Variants in SLC8B1 observed in about 807,000 individuals in gnomAD.
The protein encoded by SLC8B1 is mitochondrial sodium/calcium exchanger protein.
SLC8B1 carries 52 observed loss-of-function variants against 63.4 expected under a neutral mutation model. That is an observed-to-expected ratio of 0.82 (90% CI 0.66 to 1.03). The LOEUF (loss-of-function observed/expected upper bound fraction) is 1.03, where lower values mean the gene tolerates loss of function less well. Ranked by LOEUF, SLC8B1 falls within the 50% of genes least tolerant of loss-of-function variation. SLC8B1 has a pLI of 0.00. For missense variants in SLC8B1, 657 were observed against 741.7 expected (o/e 0.89, Z 1.33); for synonymous variants, 336 against 323.9 (o/e 1.04, Z -0.40).
At chr12:113,318,177 CATGT>C (rs747670162) in intron 8 of SLC8B1, among the ~76,000 whole-genome samples, 17 of 150,632 alleles carry the variant, frequency 1.1e-4, no homozygotes, top group African/African-American at 3.7e-4. Context: ...GATGTGTATG[CATGT>C]ATGTGTTGCA....
rs1956524524 is a variant in SLC8B1 at position 113,298,995 on chromosome 12, C to T, written c.*782G>A. 6.6e-6 allele frequency: 1 copy of T among 152,416 alleles called. No individual in the cohort carries two copies. Among genetic ancestry groups the T allele is most frequent in the Non-Finnish European group, 1.5e-5 (1 of 68,208 alleles). 9.4% of individuals were successfully genotyped at this position (152,416 alleles called of 1,614,324 possible). On this transcript the variant is annotated 3_prime_UTR_variant, in exon 16 of 16. Coordinates refer to ENST00000680972, the MANE Select transcript of SLC8B1 (RefSeq NM_001358345.2). ...CGCTGAGGGAGGCACAGGCACAGTC[C>T]TACCGACTCCTGCCTGGCAGCTGGA...
intron 15 of SLC8B1, among the ~76,000 whole-genome samples, chr12:113,300,913 A>G (rs763779905): frequency 5.3e-5 from 8 of 152,240 alleles, no homozygotes; most frequent in Non-Finnish European, 1.2e-4. Flanking sequence ...AAGCGGGCAG[A>G]TCACTTGAAG....
chr12:113,300,177 TCAA>T (rs1020897840), intron 15 of SLC8B1, among the ~76,000 whole-genome samples: 4 of 151,980 alleles, frequency 2.6e-5, no homozygotes, highest in African/African-American at 9.7e-5. Flanking sequence ...CAATGCACCC[TCAA>T]CAACAATGCA....
At chr12:113,303,439 C>T (rs942363297) in intron 15 of SLC8B1, among the ~76,000 whole-genome samples, 2 of 152,100 alleles carry the variant, frequency 1.3e-5, no homozygotes, top group African/African-American at 4.8e-5. Context: ...CTTTATTCAG[C>T]TTCATAACAC....
chr12:113,331,799 G>C (rs1185316584), intron 2 of SLC8B1, among the ~76,000 whole-genome samples: 1 of 151,962 alleles, frequency 6.6e-6, no homozygotes, highest in African/African-American at 2.4e-5. Flanking sequence ...TATTAGTTCT[G>C]TCCCACTAGA....
intron 2 of SLC8B1, among the ~76,000 whole-genome samples, chr12:113,324,703 A>G (rs1162252996): frequency 6.7e-6 from 1 of 150,106 alleles, no homozygotes; most frequent in East Asian, 2.0e-4. Flanking sequence ...CACTGCGCCC[A>G]GCCCCTTTTT....
rs1383880512 is a variant in SLC8B1, at chr12:113,305,667, C to T, written c.1492+828G>A. 6.6e-6 allele frequency among the ~76,000 whole-genome samples: 1 copy of T among 152,244 alleles called. No homozygotes were observed. Among genetic ancestry groups the T allele is most frequent in the Non-Finnish European group, 1.5e-5 (1 of 68,040 alleles). ...AAATAAAGTTTTATTGGAACAGAGC[C>T]ATGGCCATTCACTTATGCACTGTCT... On this transcript the variant is annotated intron_variant, in intron 14 of 15. Transcript: ENST00000680972. This position sits in a 1 kb window ranked among gnomAD's most constrained non-coding sequence, Gnocchi z 4.3.
chr12:113,304,256 C>A, intron 15 of SLC8B1, 65 bp downstream of exon 15: 3 of 1,499,788 alleles, frequency 2.0e-6, no homozygotes, highest in Non-Finnish European at 2.8e-6. Context: ...CAGGGCCTTC[C>A]TGCCCCTTCC....
chr12:113,304,188 C>A (rs1321279440), intron 15 of SLC8B1, 133 bp downstream of exon 15: 6 of 746,758 alleles, frequency 8.0e-6, no homozygotes, highest in Non-Finnish European at 1.2e-5. Context: ...CCAAGATGTC[C>A]TAGCTCACTC....
chr12:113,334,470 CTTCTATG>C lies in SLC8B1; in HGVS notation c.-117_-111del, dbSNP rs1957101775. ...GTCCACGGAAGACACGGCCCTTCCT[CTTCTATG>C]GTTCTCCCGAACCCCTCCAACTGGA... On this transcript the variant is annotated 5_prime_UTR_variant, in exon 1 of 16. Transcript: ENST00000680972. 6.6e-6 allele frequency: 1 copy of C among 152,166 alleles called. No individual in the cohort carries two copies. The highest frequency in any genetic ancestry group is 2.1e-4 in the South Asian group (1 of 4,822). The allele number at this position is 152,166 out of a possible 1,614,324, so 9.4% of individuals were successfully genotyped here.
Position 113,321,112 on chromosome 12 carries a change from G to C in SLC8B1, c.310-4C>G, listed in dbSNP as rs1429992479. 13 of 1,613,886 alleles carry C rather than the reference G, an allele frequency of 8.1e-6. No individual in the cohort carries two copies. Among genetic ancestry groups the C allele is most frequent in the Non-Finnish European group, 1.1e-5 (13 of 1,179,976 alleles). On this transcript the variant is annotated splice_region_variant and splice_polypyrimidine_tract_variant and intron_variant, in intron 3 of 15. Coordinates refer to ENST00000680972, the MANE Select transcript of SLC8B1 (RefSeq NM_001358345.2). ...ACAGGTAGAGCAGCCAGGAAACCTGGGTGGGGAGCGGGCGAGGAAGGGAGA... is the reference window on the plus strand; with the variant it reads ...ACAGGTAGAGCAGCCAGGAAACCTGCGTGGGGAGCGGGCGAGGAAGGGAGA...
chr12:113,318,174 A>T (rs1956864260), intron 8 of SLC8B1, among the ~76,000 whole-genome samples: 1 of 150,712 alleles, frequency 6.6e-6, no homozygotes, highest in Non-Finnish European at 1.5e-5. Context: ...GCAGATGTGT[A>T]TGCATGTATG....
intron 2 of SLC8B1, among the ~76,000 whole-genome samples, chr12:113,326,200 T>A (rs1380524199): frequency 6.6e-6 from 1 of 152,194 alleles, no homozygotes; most frequent in Non-Finnish European, 1.5e-5. Context: ...TCCATTTCCA[T>A]AAATATTTAC....
intron 9 of SLC8B1, 21 bp from the exon 10 acceptor site, chr12:113,316,677 G>C: frequency 6.2e-7 from 1 of 1,611,296 alleles, no homozygotes; most frequent in East Asian, 2.2e-5. Context: ...GGGTCGGGTG[G>C]TGAGGTGTGC....
In SLC8B1 at chr12:113,320,270, C is replaced by T; in HGVS notation, c.694+61G>A. On this transcript the variant is annotated intron_variant, in intron 7 of 15. Coordinates refer to ENST00000680972, the MANE Select transcript of SLC8B1 (RefSeq NM_001358345.2). The surrounding 1 kb of genome is among the most constrained non-coding windows in gnomAD (Gnocchi z 5.3). ...CCCTCACACCTCTCTGTCCCAGGCA[C>T]CTCCTAAACCTCCTGCCCATCAGCC... The T allele has an allele frequency of 1.3e-6, 2 of 1,571,378 alleles. No homozygotes were observed. The highest frequency in any genetic ancestry group is 1.7e-6 in the Non-Finnish European group (2 of 1,155,976).
Position 113,299,766 on chromosome 12 carries a change from AGC to A in SLC8B1, c.*9_*10del. ...TGCCTGCAGTGAGGCCACAGCACTA[AGC>A]GGCTTCAGTCACATGCTTTTCAGGT... On this transcript the variant is annotated 3_prime_UTR_variant, in exon 16 of 16. Transcript: ENST00000680972. The A allele has an allele frequency of 6.2e-7, 1 of 1,613,900 alleles. No individual in the cohort carries two copies. Among genetic ancestry groups the A allele is most frequent in the Non-Finnish European group, 8.5e-7 (1 of 1,179,900 alleles).
At chr12:113,304,834 C>T (rs1455520963) in intron 14 of SLC8B1, among the ~76,000 whole-genome samples, 1 of 152,152 alleles carries the variant, frequency 6.6e-6, no homozygotes, top group East Asian at 1.9e-4. Context: ...AATCACTGGA[C>T]TCAAGTGATT....
chr12:113,318,819 G>T, intron 8 of SLC8B1, 145 bp downstream of exon 8: 1 of 616,836 alleles, frequency 1.6e-6, no homozygotes. Context: ...ACGGAGGCGG[G>T]ACCTCAGCAG....
chr12:113,321,434 T>C, intron 2 of SLC8B1, 86 bp from the exon 3 acceptor site: 2 of 1,576,770 alleles, frequency 1.3e-6, no homozygotes, highest in East Asian at 2.3e-5. Context: ...AAACATAATG[T>C]CCCTTCAGCC....
Sources: gnomAD v4.1 joint callset for allele counts (sites outside exome capture counted in the v4.1 genomes callset) on GRCh38, gnomAD v4.1.1 for gene constraint, Gnocchi (gnomAD v3.1) non-coding constraint, MANE v1.5 for transcripts, NCBI Gene and HGNC (gene_info 2026-07-23, HGNC 2026-07-21) for gene names.